HIP1: variants seen among roughly 807,000 people sequenced by gnomAD.
HIP1 encodes huntingtin interacting protein 1.
A neutral mutation model predicts 147.6 loss-of-function variants in HIP1; 65 were observed. The observed-to-expected ratio is 0.44, with a 90% CI of 0.36 to 0.54. The LOEUF (loss-of-function observed/expected upper bound fraction) is 0.54. Among genes scored for constraint, HIP1 ranks in the 20% least tolerant of loss-of-function variants. The probability of loss-of-function intolerance (pLI) is 0.00; values close to 1 mark genes in which losing one functional copy is unlikely to be tolerated. For missense variants in HIP1, 1,061 were observed against 1,299.6 expected (o/e 0.82, Z 2.82); for synonymous variants, 479 against 504.0 (o/e 0.95, Z 0.67).
chr7:75,733,430 CTTTTTT>C (rs56744076), intron 1 of HIP1: 5 of 132,578 alleles, frequency 3.8e-5, no homozygotes, highest in Non-Finnish European at 4.8e-5. Flanking sequence ...TTTTCTTTTT[CTTTTTT>C]TTTTTTTTTT....
chr7:75,694,486 C>A (rs1800567545), intron 1 of HIP1, among the ~76,000 whole-genome samples: 1 of 147,552 alleles, frequency 6.8e-6, no homozygotes, highest in African/African-American at 2.5e-5. Flanking sequence ...TTCTTTTTTT[C>A]TTTTTCTTTT....
chr7:75,595,243 T>TTCCTTCCTTCCTTCCTTCCTTCCTTC (rs1796670489), intron 2 of HIP1, among the ~76,000 whole-genome samples: 1 of 104,876 alleles, frequency 9.5e-6, no homozygotes, highest in African/African-American at 5.0e-5. Context: ...TTTCTTTCTT[T>TTCCTTCCTTCCTTCCTTCCTTCCTTC]CTTTCTTTCT....
intron 1 of HIP1, among the ~76,000 whole-genome samples, chr7:75,619,418 C>T (rs922686329): frequency 2.7e-5 from 4 of 149,494 alleles, no homozygotes; most frequent in Non-Finnish European, 5.9e-5. Flanking sequence ...CCCAGCTACT[C>T]GGGAGTCTGA....
chr7:75,673,018 A>G (rs201446283), intron 1 of HIP1, among the ~76,000 whole-genome samples: 1 of 120,356 alleles, frequency 8.3e-6, no homozygotes, highest in African/African-American at 3.3e-5. Flanking sequence ...TGGGGAGTCC[A>G]CCAACTTTTT....
intron 22 of HIP1, among the ~76,000 whole-genome samples, chr7:75,550,501 T>G (rs1342377465): frequency 6.6e-6 from 1 of 152,152 alleles, no homozygotes; most frequent in African/African-American, 2.4e-5. Context: ...AGCCTCCCAC[T>G]CCTGGGCTCA....
chr7:75,650,004 G>A (rs782431839), intron 1 of HIP1, among the ~76,000 whole-genome samples: 20 of 152,068 alleles, frequency 1.3e-4, no homozygotes, highest in African/African-American at 1.9e-4. Context: ...GACTTCAAGC[G>A]TGGCTGAGCT....
intron 1 of HIP1, among the ~76,000 whole-genome samples, chr7:75,629,232 G>C (rs1554508490): frequency 6.6e-6 from 1 of 152,154 alleles, no homozygotes; most frequent in East Asian, 1.9e-4. Context: ...GCAGTAGGCA[G>C]CGTAAACCCG....
chr7:75,588,604 G>A (rs1375464033), intron 4 of HIP1, among the ~76,000 whole-genome samples: 5 of 151,930 alleles, frequency 3.3e-5, no homozygotes, highest in African/African-American at 7.2e-5. Context: ...GCAACATGGC[G>A]AAAACCTGCG....
At chr7:75,618,357 G>A (rs1479565435) in intron 1 of HIP1, among the ~76,000 whole-genome samples, 1 of 152,108 alleles carries the variant, frequency 6.6e-6, no homozygotes, top group East Asian at 1.9e-4. Context: ...CACCATGTTG[G>A]TCAAGCTGGT....
chr7:75,735,087 T>C (rs1801974562), intron 1 of HIP1, among the ~76,000 whole-genome samples: 1 of 152,226 alleles, frequency 6.6e-6, no homozygotes, highest in East Asian at 1.9e-4. Flanking sequence ...TTCAGGCATA[T>C]TGGGCTTAAT....
intron 1 of HIP1, among the ~76,000 whole-genome samples, chr7:75,717,547 C>T (rs1415397488): frequency 2.0e-5 from 3 of 151,654 alleles, no homozygotes; most frequent in African/African-American, 4.8e-5. Context: ...AAGAATTAGC[C>T]GGGGCCCGGT....
intron 1 of HIP1, among the ~76,000 whole-genome samples, chr7:75,635,113 C>A (rs587644764): frequency 2.0e-5 from 3 of 152,190 alleles, no homozygotes; most frequent in East Asian, 3.9e-4. Flanking sequence ...GAAAGGCACA[C>A]CCTCCATCAT....
At chr7:75,569,939 CTT>C (rs35481189) in intron 8 of HIP1, among the ~76,000 whole-genome samples, 1 of 145,908 alleles carries the variant, frequency 6.9e-6, no homozygotes. Context: ...AAAGTACGAA[CTT>C]TTTTTTTTTT....
Position 75,621,488 on chromosome 7 carries a change from C to T in HIP1, c.121-22241G>A, listed in dbSNP as rs587746212. On this transcript the variant is annotated intron_variant, in intron 1 of 30. Transcript: ENST00000336926. ...CCAGGTTGGTCTTGAACTCCTGGCC[C>T]CAAGCGATCCTCCTGCCTTGGCCTC... 3.3e-5 allele frequency among the ~76,000 whole-genome samples: 5 copies of T among 152,230 alleles called. No individual in the cohort carries two copies. In the South Asian group the frequency reaches 1.0e-3, roughly 32 times the overall value.
intron 8 of HIP1, among the ~76,000 whole-genome samples, chr7:75,571,315 T>C (rs1452349384): frequency 2.0e-5 from 3 of 152,094 alleles, no homozygotes; most frequent in African/African-American, 4.8e-5. Flanking sequence ...GGGGAAACAA[T>C]GAAAAGTTCA....
chr7:75,583,239 C>T (rs587612916), intron 5 of HIP1, among the ~76,000 whole-genome samples: 1 of 152,232 alleles, frequency 6.6e-6, no homozygotes, highest in East Asian at 1.9e-4. Flanking sequence ...CACTTCCCCA[C>T]ACCCTGCCTG....
At chr7:75,561,181 C>T (rs1284380981) in intron 13 of HIP1, 148 bp downstream of exon 13, 16 of 706,590 alleles carry the variant, frequency 2.3e-5, no homozygotes, top group Admixed American at 1.2e-4. Context: ...CTCGAACTCC[C>T]GACCTCAGGT....
intron 19 of HIP1, 117 bp downstream of exon 19, chr7:75,555,299 T>C (rs1554493010): frequency 1.6e-6 from 2 of 1,231,022 alleles, no homozygotes; most frequent in Non-Finnish European, 1.1e-6. Flanking sequence ...CCTAAGGTAA[T>C]GCTGACATGC....
chr7:75,719,944 T>A (rs966896985), intron 1 of HIP1, among the ~76,000 whole-genome samples: 4 of 152,062 alleles, frequency 2.6e-5, no homozygotes, highest in African/African-American at 9.7e-5. Flanking sequence ...CTAGGGGAGT[T>A]ATTTTGCCTT....
Sources: gnomAD v4.1 joint callset for allele counts (sites outside exome capture counted in the v4.1 genomes callset) on GRCh38, gnomAD v4.1.1 for gene constraint, MANE v1.5 for transcripts, NCBI Gene and HGNC (gene_info 2026-07-23, HGNC 2026-07-21) for gene names.